The following SNX24 variants were observed in gnomAD, a reference collection of about 807,000 sequenced individuals.
SNX24 encodes sorting nexin-24.
A neutral mutation model predicts 28.7 loss-of-function variants in SNX24; 22 were observed. That is an observed-to-expected ratio of 0.77 (90% CI 0.55 to 1.10). SNX24 has a LOEUF of 1.10. Among genes scored for constraint, SNX24 ranks in the 50% least tolerant of loss-of-function variants. The pLI is 0.00. For missense variants in SNX24, 221 were observed against 201.1 expected, an observed-to-expected ratio of 1.10 and a Z score of -0.60; for synonymous variants, 69 against 71.5, an observed-to-expected ratio of 0.96 and a Z score of 0.18.
At chr5:122,968,628 G>A (rs904778201) in intron 3 of SNX24, among the ~76,000 whole-genome samples, 1 of 152,108 alleles carries the variant, frequency 6.6e-6, no homozygotes, top group Non-Finnish European at 1.5e-5. Context: ...TTTTGACAAT[G>A]GCAGTCATTA....
intron 3 of SNX24, among the ~76,000 whole-genome samples, chr5:122,984,538 C>T (rs1302764200): frequency 6.6e-6 from 1 of 152,126 alleles, no homozygotes; most frequent in South Asian, 2.1e-4. Context: ...TCAATCAGCC[C>T]TCAGGAGTTT....
intron 1 of SNX24, among the ~76,000 whole-genome samples, chr5:122,894,484 A>G (rs1757117540): frequency 6.6e-6 from 1 of 152,100 alleles, no homozygotes; most frequent in Admixed American, 6.5e-5. Context: ...AATCCTCCTC[A>G]TTGGTAGTGG....
chr5:122,919,699 T>G (rs936092001), intron 1 of SNX24, among the ~76,000 whole-genome samples: 1 of 152,188 alleles, frequency 6.6e-6, no homozygotes, highest in Non-Finnish European at 1.5e-5. Flanking sequence ...TAAGCAACAC[T>G]GATGCCTCTT....
chr5:123,013,796 C>T (rs1762634861), downstream of SNX24, among the ~76,000 whole-genome samples: 1 of 151,720 alleles, frequency 6.6e-6, no homozygotes, highest in African/African-American at 2.4e-5. Context: ...CTATGAACTC[C>T]TATGTACTGA....
intron 3 of SNX24, among the ~76,000 whole-genome samples, chr5:122,988,264 C>T (rs535449676): frequency 6.4e-4 from 98 of 152,186 alleles, no homozygotes; most frequent in Non-Finnish European, 5.1e-4. Flanking sequence ...GCTCCTTAGT[C>T]GGGGGTGTAC....
chr5:122,912,062 G>A (rs1348584019), intron 1 of SNX24, among the ~76,000 whole-genome samples: 1 of 121,530 alleles, frequency 8.2e-6, no homozygotes, highest in East Asian at 2.5e-4. Flanking sequence ...ACCTTGGGCA[G>A]TATGGCCATT....
chr5:122,910,061 A>T (rs571862977), intron 1 of SNX24, among the ~76,000 whole-genome samples: 2 of 152,378 alleles, frequency 1.3e-5, no homozygotes, highest in South Asian at 4.1e-4. Context: ...TCACTTTATT[A>T]TTAGGAGTAA....
chr5:122,861,605 C>T (rs755993241), intron 1 of SNX24, among the ~76,000 whole-genome samples: 8 of 152,046 alleles, frequency 5.3e-5, no homozygotes, highest in Admixed American at 2.0e-4. Flanking sequence ...AAACCTTCCA[C>T]AAAGCTAAAA....
At chr5:123,012,850 C>T (rs1762614728), downstream of SNX24, among the ~76,000 whole-genome samples, 1 of 152,148 alleles carries the variant, frequency 6.6e-6, no homozygotes, top group South Asian at 2.1e-4. Flanking sequence ...CAGAGATTTG[C>T]ATCAGAATCA....
rs564823852 is a variant in SNX24 at position 122,925,565 on chromosome 5, TG to T, written c.61-11167del. 1.1e-3 allele frequency among the ~76,000 whole-genome samples: 171 copies of T among 152,148 alleles called. 1 individual carries two copies. The highest frequency in any genetic ancestry group is 3.8e-3 in the African/African-American group (158 of 41,534). On this transcript the variant is annotated intron_variant, in intron 1 of 6. Coordinates refer to ENST00000261369, the MANE Select transcript of SNX24 (RefSeq NM_014035.4). Reference sequence around the variant, plus strand: ...AGATGTGAGCCACTGTGTCAGGCCTTGGTCTTTATTTTCATAGCTTTTGGGC... The same window carrying T: ...AGATGTGAGCCACTGTGTCAGGCCTTGTCTTTATTTTCATAGCTTTTGGGC...
intron 1 of SNX24, among the ~76,000 whole-genome samples, chr5:122,926,707 T>C (rs758142799): frequency 6.6e-6 from 1 of 152,338 alleles, no homozygotes; most frequent in East Asian, 1.9e-4. Flanking sequence ...CAGTGAGATA[T>C]GGTTTCCAAA....
intron 3 of SNX24, among the ~76,000 whole-genome samples, chr5:122,989,978 A>G (rs1256222266): frequency 7.2e-5 from 11 of 152,196 alleles, no homozygotes; most frequent in Non-Finnish European, 1.5e-5. Context: ...CCAGTAGGCT[A>G]CTATTCCTAC....
chr5:122,947,704 T>A (rs965116266), intron 3 of SNX24, among the ~76,000 whole-genome samples: 1 of 152,088 alleles, frequency 6.6e-6, no homozygotes, highest in Non-Finnish European at 1.5e-5. Flanking sequence ...CTCCAAAAAA[T>A]TAGACTTCAG....
At chr5:122,981,133 A>T (rs999092315) in intron 3 of SNX24, among the ~76,000 whole-genome samples, 2 of 152,222 alleles carry the variant, frequency 1.3e-5, no homozygotes, top group African/African-American at 4.8e-5. Flanking sequence ...TTCATGCAAA[A>T]CATATGTTAT....
intron 1 of SNX24, among the ~76,000 whole-genome samples, chr5:122,895,974 C>T (rs1435484480): frequency 6.6e-6 from 1 of 151,722 alleles, no homozygotes; most frequent in Non-Finnish European, 1.5e-5. Context: ...CATGGTGAAA[C>T]CCCATCTCTA....
chr5:122,908,961 G>A (rs1391889004), intron 1 of SNX24, among the ~76,000 whole-genome samples: 5 of 152,166 alleles, frequency 3.3e-5, no homozygotes, highest in Non-Finnish European at 5.9e-5. Flanking sequence ...GGAGTGAAGC[G>A]TGGGACTTGC....
At chr5:122,896,166 A>G (rs1757193641) in intron 1 of SNX24, among the ~76,000 whole-genome samples, 1 of 152,196 alleles carries the variant, frequency 6.6e-6, no homozygotes, top group Non-Finnish European at 1.5e-5. Flanking sequence ...AAACAAACAT[A>G]TAGAAGCAGA....
At chr5:122,891,805 T>C (rs1483464546) in intron 1 of SNX24, among the ~76,000 whole-genome samples, 1 of 152,226 alleles carries the variant, frequency 6.6e-6, no homozygotes, top group African/African-American at 2.4e-5. Context: ...GGAAAATTAA[T>C]GTTTCTGTGA....
intron 3 of SNX24, among the ~76,000 whole-genome samples, chr5:122,976,541 T>G (rs1288317063): frequency 6.6e-6 from 1 of 152,212 alleles, no homozygotes; most frequent in Non-Finnish European, 1.5e-5. Flanking sequence ...TGCTATTTAT[T>G]TTTCATTGGC....
Sources: gnomAD v4.1 joint callset for allele counts (sites outside exome capture counted in the v4.1 genomes callset) on GRCh38, gnomAD v4.1.1 for gene constraint, MANE v1.5 for transcripts, NCBI Gene and HGNC (gene_info 2026-07-23, HGNC 2026-07-21) for gene names.